Variants in SH3D19 observed in about 807,000 individuals in gnomAD.
The protein encoded by SH3D19 is SH3 domain-containing protein 19.
Under a neutral mutation model 112.1 loss-of-function variants are expected in SH3D19, and 58 were observed. The ratio of observed to expected loss-of-function variants is 0.52; its 90% confidence interval spans 0.42 to 0.64. The LOEUF is 0.64. Among genes scored for constraint, SH3D19 ranks in the 30% least tolerant of loss-of-function variants. The probability of loss-of-function intolerance (pLI) is 0.00; values close to 1 mark genes in which losing one functional copy is unlikely to be tolerated. For synonymous variants in SH3D19, 391 were observed against 448.5 expected, an observed-to-expected ratio of 0.87 and a Z score of 1.62; for missense variants, 1,090 against 1,263.4, an observed-to-expected ratio of 0.86 and a Z score of 2.08.
intron 1 of SH3D19, among the ~76,000 whole-genome samples, chr4:151,268,647 G>A (rs1203286171): frequency 5.3e-5 from 7 of 132,260 alleles, no homozygotes; most frequent in Non-Finnish European, 9.3e-5. Context: ...GTGTCCATGT[G>A]TTCTCATTGT....
intron 2 of SH3D19, among the ~76,000 whole-genome samples, chr4:151,205,497 A>G (rs1764979568): frequency 6.6e-6 from 1 of 152,196 alleles, no homozygotes; most frequent in Non-Finnish European, 1.5e-5. Context: ...GCCCAATTTC[A>G]GCTCTGCCTT....
At chr4:151,251,198 C>CTTTTTTTTTT (rs11368412) in intron 1 of SH3D19, among the ~76,000 whole-genome samples, 2 of 142,562 alleles carry the variant, frequency 1.4e-5, no homozygotes, top group Non-Finnish European at 3.0e-5. Context: ...TCTTTTTTTC[C>CTTTTTTTTTT]TTTTTTTTTT....
intron 2 of SH3D19, among the ~76,000 whole-genome samples, chr4:151,207,611 C>T (rs964577071): frequency 9.9e-5 from 15 of 152,186 alleles, no homozygotes; most frequent in African/African-American, 3.4e-4. Flanking sequence ...TGTGGGACTA[C>T]TCAACAGTTC....
At chr4:151,199,217 G>A (rs1430320341) in intron 2 of SH3D19, among the ~76,000 whole-genome samples, 1 of 152,112 alleles carries the variant, frequency 6.6e-6, no homozygotes, top group African/African-American at 2.4e-5. Flanking sequence ...AATATATTAT[G>A]TATCTGAGGA....
intron 1 of SH3D19, among the ~76,000 whole-genome samples, chr4:151,295,684 G>T (rs1404005384): frequency 6.6e-6 from 1 of 152,010 alleles, no homozygotes; most frequent in Non-Finnish European, 1.5e-5. Context: ...ACTTATTTCT[G>T]CCCACTGATT....
chr4:151,249,308 C>T (rs1190906311), intron 1 of SH3D19, among the ~76,000 whole-genome samples: 1 of 152,102 alleles, frequency 6.6e-6, no homozygotes, highest in East Asian at 1.9e-4. Context: ...ATACTTAAGA[C>T]TTGTTTTCAA....
In SH3D19 at chr4:151,175,294, T is replaced by C. The variant is rs1561284270; in HGVS notation, c.910A>G (p.Thr304Ala). Residue 304 changes from threonine to alanine, a missense_variant, in exon 7 of 20, where the codon ACA (threonine) becomes GCA (alanine). Thr to Ala is a moderately conservative substitution (Grantham distance 58). Coordinates refer to ENST00000604030, the MANE Select transcript of SH3D19 (RefSeq NM_001378122.1). ...VSRIKVFEGQ[T>A]NIETSGLPKK... ...GGCAGTCCTGAGGTTTCTATGTTTG[T>C]CTGACCCTCAAACACTTTAATTCTG... The C allele has an allele frequency of 4.3e-6, 7 of 1,614,180 alleles. No individual in the cohort carries two copies. The highest frequency in any genetic ancestry group is 2.2e-5 in the East Asian group (1 of 44,892).
chr4:151,313,018 G>C (rs1393111983), intron 1 of SH3D19, among the ~76,000 whole-genome samples: 3 of 151,482 alleles, frequency 2.0e-5, no homozygotes, highest in South Asian at 2.1e-4. Flanking sequence ...GACCCTGGGA[G>C]GGGGAGGTTG....
chr4:151,238,080 A>C (rs555787538), intron 1 of SH3D19, among the ~76,000 whole-genome samples: 2 of 152,330 alleles, frequency 1.3e-5, no homozygotes, highest in South Asian at 4.1e-4. Flanking sequence ...AAAGGCAGAC[A>C]GATAAACTGT....
At chr4:151,212,984 C>T (rs1436052752) in intron 2 of SH3D19, among the ~76,000 whole-genome samples, 5 of 152,096 alleles carry the variant, frequency 3.3e-5, no homozygotes, top group African/African-American at 4.8e-5. Context: ...TCAAGACTCC[C>T]GTGGAGGAAG....
chr4:151,186,952 G>A (rs573767345), intron 3 of SH3D19, among the ~76,000 whole-genome samples: 149 of 151,874 alleles, frequency 9.8e-4, no homozygotes, highest in African/African-American at 3.4e-3. Flanking sequence ...CTGCCACTAC[G>A]CCCGGCTAAT....
At chr4:151,183,239 G>A (rs569162247) in intron 3 of SH3D19, among the ~76,000 whole-genome samples, 4 of 152,162 alleles carry the variant, frequency 2.6e-5, no homozygotes, top group East Asian at 1.9e-4. Flanking sequence ...TGATCCGCCC[G>A]CCTCAGCCTC....
intron 2 of SH3D19, among the ~76,000 whole-genome samples, chr4:151,189,406 C>A (rs1762289838): frequency 6.6e-6 from 1 of 152,142 alleles, no homozygotes; most frequent in African/African-American, 2.4e-5. Flanking sequence ...AGCCACCATG[C>A]CCGGCCAAGT....
chr4:151,155,150 C>T (rs1403279034), intron 9 of SH3D19, among the ~76,000 whole-genome samples: 5 of 152,132 alleles, frequency 3.3e-5, no homozygotes, highest in Non-Finnish European at 7.4e-5. Context: ...GTTTTACTTA[C>T]TCATCACCCT....
intron 2 of SH3D19, among the ~76,000 whole-genome samples, chr4:151,206,570 T>C (rs1006406912): frequency 2.0e-5 from 3 of 152,354 alleles, no homozygotes; most frequent in Non-Finnish European, 2.9e-5. Flanking sequence ...ATCAAGGCTA[T>C]AGTTTTGGTA....
intron 1 of SH3D19, among the ~76,000 whole-genome samples, chr4:151,257,064 C>CTTAT (rs144394422): frequency 3.4e-4 from 51 of 151,818 alleles, no homozygotes; most frequent in Middle Eastern, 3.4e-3. Flanking sequence ...TTCTTTTCTT[C>CTTAT]TTATTTATTT....
chr4:151,291,362 C>T (rs1223795360), intron 1 of SH3D19: 1 of 1,613,980 alleles, frequency 6.2e-7, no homozygotes, highest in Non-Finnish European at 8.5e-7. Context: ...GGACCTAACA[C>T]TATACACAGA....
chr4:151,236,793 C>T (rs113074897), intron 1 of SH3D19, among the ~76,000 whole-genome samples: 6 of 152,264 alleles, frequency 3.9e-5, no homozygotes, highest in South Asian at 2.1e-4. Context: ...AATGGCCAAT[C>T]GGCACTCTGT....
At chr4:151,295,480 G>C (rs1316479039) in intron 1 of SH3D19, among the ~76,000 whole-genome samples, 1 of 152,200 alleles carries the variant, frequency 6.6e-6, no homozygotes, top group Non-Finnish European at 1.5e-5. Context: ...TATTTACCAA[G>C]TGACTTGAGA....
Sources: gnomAD v4.1 joint callset for allele counts (sites outside exome capture counted in the v4.1 genomes callset) on GRCh38, gnomAD v4.1.1 for gene constraint, MANE v1.5 for transcripts, NCBI Gene and HGNC (gene_info 2026-07-23, HGNC 2026-07-21) for gene names.